Variants in EPHB1 observed in about 807,000 individuals in gnomAD.
The protein encoded by EPHB1 is ephrin type-B receptor 1.
Under a neutral mutation model 94.4 loss-of-function variants are expected in EPHB1, and 30 were observed. That is an observed-to-expected ratio of 0.32 (90% CI 0.24 to 0.43). The LOEUF is 0.43. Among genes scored for constraint, EPHB1 ranks in the 20% least tolerant of loss-of-function variants. The probability of loss-of-function intolerance (pLI) is 1.00; values close to 1 mark genes in which losing one functional copy is unlikely to be tolerated. For synonymous variants in EPHB1, 522 were observed against 489.1 expected (o/e 1.07, Z -0.89); for missense variants, 1,055 against 1,308.3 (o/e 0.81, Z 2.99).
At chr3:134,837,174 T>C (rs1560255863) in intron 1 of EPHB1, among the ~76,000 whole-genome samples, 1 of 152,340 alleles carries the variant, frequency 6.6e-6, no homozygotes. Flanking sequence ...GAGCAACCAG[T>C]GCATCAGGTG....
intron 1 of EPHB1, chr3:134,823,838 A>G (rs577194769): frequency 6.6e-6 from 1 of 152,370 alleles, no homozygotes; most frequent in East Asian, 1.9e-4. Context: ...GCAACAGGCT[A>G]TGATGTCACA....
At chr3:134,808,348 A>C (rs1560242256) in intron 1 of EPHB1, among the ~76,000 whole-genome samples, 1 of 152,146 alleles carries the variant, frequency 6.6e-6, no homozygotes, top group Non-Finnish European at 1.5e-5. Context: ...AAATACACTC[A>C]TTGGCCAGGC....
intron 3 of EPHB1, among the ~76,000 whole-genome samples, chr3:135,098,591 T>C (rs971987187): frequency 1.3e-5 from 2 of 152,152 alleles, no homozygotes; most frequent in Non-Finnish European, 2.9e-5. Flanking sequence ...TGAACATAAA[T>C]CTTTTCCCAC....
At chr3:135,084,161 G>A (rs1938260208) in intron 3 of EPHB1, among the ~76,000 whole-genome samples, 1 of 152,246 alleles carries the variant, frequency 6.6e-6, no homozygotes, top group Non-Finnish European at 1.5e-5. Flanking sequence ...TTTGCCATGT[G>A]AAAAAGCGAC....
chr3:135,233,655 G>C (rs533298072), intron 12 of EPHB1, among the ~76,000 whole-genome samples: 3 of 152,186 alleles, frequency 2.0e-5, no homozygotes, highest in Non-Finnish European at 4.4e-5. Context: ...CCAACCTAAC[G>C]TTTCCCTTCC....
At chr3:134,948,681 G>T (rs2039262524) in intron 2 of EPHB1, among the ~76,000 whole-genome samples, 1 of 152,250 alleles carries the variant, frequency 6.6e-6, no homozygotes. Flanking sequence ...TGGGGCCTGG[G>T]CACAGGGATG....
At chr3:135,078,560 T>A (rs1938030639) in intron 3 of EPHB1, among the ~76,000 whole-genome samples, 1 of 152,218 alleles carries the variant, frequency 6.6e-6, no homozygotes, top group Non-Finnish European at 1.5e-5. Context: ...ATGGGTGGGA[T>A]CTTTTGAAAG....
intron 5 of EPHB1, among the ~76,000 whole-genome samples, chr3:135,148,815 C>A (rs1183955568): frequency 2.0e-5 from 3 of 152,196 alleles, no homozygotes; most frequent in African/African-American, 4.8e-5. Context: ...CTCAGCCTGC[C>A]TTTGTTTTTC....
chr3:135,047,432 G>A (rs916085451), intron 3 of EPHB1, among the ~76,000 whole-genome samples: 2 of 152,174 alleles, frequency 1.3e-5, no homozygotes, highest in Non-Finnish European at 2.9e-5. Flanking sequence ...CCGTGACCCT[G>A]TTAAAGGTCC....
At chr3:135,215,313 G>C (rs1328908218) in intron 12 of EPHB1, among the ~76,000 whole-genome samples, 1 of 152,000 alleles carries the variant, frequency 6.6e-6, no homozygotes, top group African/African-American at 2.4e-5. Context: ...ACAGGCATGC[G>C]CCTCCATACC....
intron 1 of EPHB1, among the ~76,000 whole-genome samples, chr3:134,891,310 A>G (rs559778699): frequency 6.6e-6 from 1 of 152,216 alleles, no homozygotes; most frequent in East Asian, 1.9e-4. Flanking sequence ...GGGTTTCACT[A>G]TGTTGCCCAG....
At chr3:134,925,019 TA>T (rs2038761804) in intron 1 of EPHB1, among the ~76,000 whole-genome samples, 1 of 152,232 alleles carries the variant, frequency 6.6e-6, no homozygotes, top group Admixed American at 6.5e-5. Context: ...CTGGTGTACA[TA>T]TATATCAAAA....
intron 4 of EPHB1, among the ~76,000 whole-genome samples, chr3:135,115,720 G>A (rs181034543): frequency 1.4e-4 from 21 of 152,168 alleles, no homozygotes; most frequent in Admixed American, 5.9e-4. Context: ...TGGGTAGGTC[G>A]CCTAACTTAT....
chr3:135,241,889 G>A (rs1221708577), intron 13 of EPHB1, among the ~76,000 whole-genome samples: 1 of 152,178 alleles, frequency 6.6e-6, no homozygotes, highest in African/African-American at 2.4e-5. Flanking sequence ...TCCAAAGCTG[G>A]GCAGCTTCAG....
intron 4 of EPHB1, among the ~76,000 whole-genome samples, chr3:135,120,277 G>A (rs1052268222): frequency 6.6e-6 from 1 of 152,058 alleles, no homozygotes; most frequent in Non-Finnish European, 1.5e-5. Context: ...TACGTTCTTC[G>A]GTAAAGTTTT....
At chr3:134,808,863 T>C (rs1367864343) in intron 1 of EPHB1, among the ~76,000 whole-genome samples, 1 of 152,226 alleles carries the variant, frequency 6.6e-6, no homozygotes, top group Non-Finnish European at 1.5e-5. Flanking sequence ...TCAACTAGAC[T>C]GAAAGAGGAG....
chr3:135,148,881 C>G (rs1039204496), intron 5 of EPHB1, among the ~76,000 whole-genome samples: 1 of 152,240 alleles, frequency 6.6e-6, no homozygotes, highest in African/African-American at 2.4e-5. Context: ...GCTTCTGACA[C>G]ATTTACAAGG....
chr3:135,105,948 A>AGT (rs1204232154), intron 3 of EPHB1, among the ~76,000 whole-genome samples: 1 of 152,180 alleles, frequency 6.6e-6, no homozygotes, highest in African/African-American at 2.4e-5. Context: ...TACATCTCAT[A>AGT]GTGTGTTCCT....
chr3:134,951,333 G>A lies in EPHB1; in HGVS notation c.124-38G>A. The A allele has an allele frequency of 6.7e-7, 1 of 1,499,690 alleles. No individual in the cohort carries two copies. The highest frequency in any genetic ancestry group is 8.9e-7 in the Non-Finnish European group (1 of 1,122,302). 92.9% of individuals were successfully genotyped at this position (1,499,690 alleles called of 1,614,324 possible). ...TTTGTATTCTCACTCTCTATTTTGT[G>A]TTTTTGCATGTGTGTGCCTGTGGCC... On this transcript the variant is annotated intron_variant, in intron 2 of 15. Coordinates refer to ENST00000398015, the MANE Select transcript of EPHB1 (RefSeq NM_004441.5). This position sits in a 1 kb window ranked among gnomAD's most constrained non-coding sequence, Gnocchi z 4.5.
Sources: gnomAD v4.1 joint callset for allele counts (sites outside exome capture counted in the v4.1 genomes callset) on GRCh38, gnomAD v4.1.1 for gene constraint, Gnocchi (gnomAD v3.1) non-coding constraint, MANE v1.5 for transcripts, NCBI Gene and HGNC (gene_info 2026-07-23, HGNC 2026-07-21) for gene names.